Variants in PTK7 observed in about 807,000 individuals in gnomAD.
PTK7 encodes protein tyrosine kinase 7 (inactive).
Under a neutral mutation model 116.6 loss-of-function variants are expected in PTK7, and 39 were observed. That is an observed-to-expected ratio of 0.33 (90% confidence interval 0.26 to 0.44). PTK7 has a LOEUF of 0.44. Among genes scored for constraint, PTK7 ranks in the 20% least tolerant of loss-of-function variants. The probability of loss-of-function intolerance (pLI) is 1.00; values close to 1 mark genes in which losing one functional copy is unlikely to be tolerated. For synonymous variants in PTK7, 546 were observed against 563.6 expected (o/e 0.97, Z 0.44); for missense variants, 1,169 against 1,425.6 (o/e 0.82, Z 2.90).
chr6:43,140,263 A>G (rs1201254827), intron 10 of PTK7, among the ~76,000 whole-genome samples: 8 of 152,136 alleles, frequency 5.3e-5, no homozygotes, highest in Non-Finnish European at 1.2e-4. Context: ...CCTGGCTAAC[A>G]TAGAGTAGTG....
At chr6:43,082,418 C>T (rs1181710063) in intron 1 of PTK7, among the ~76,000 whole-genome samples, 17 of 152,054 alleles carry the variant, frequency 1.1e-4, no homozygotes, top group African/African-American at 3.6e-4. Context: ...CTTCATGATC[C>T]GCCCACCTCA....
rs146743539 is a variant in PTK7, at chr6:43,129,207, C to T, written c.310C>T (p.Arg104Trp). 1.5e-5 allele frequency: 25 copies of T among 1,614,012 alleles called. No homozygotes were observed. Among genetic ancestry groups the T allele is most frequent in the East Asian group, 1.3e-4 (6 of 44,884 alleles). ...QDSGTFQCVA[R>W]DDVTGEEARS... Reference sequence around the variant, plus strand: ...CTCTGGCACCTTCCAGTGTGTGGCTCGGGATGATGTCACTGGAGAAGAAGC... The same window carrying T: ...CTCTGGCACCTTCCAGTGTGTGGCTTGGGATGATGTCACTGGAGAAGAAGC... The change falls in exon 2 of 20, where the codon CGG becomes TGG. Residue 104 changes from arginine (R) to tryptophan (W), a missense_variant. Transcript: ENST00000230419. The surrounding 1 kb of genome is among the most constrained non-coding windows in gnomAD (Gnocchi z 4.5).
At chr6:43,125,004 C>G (rs983804287) in intron 1 of PTK7, among the ~76,000 whole-genome samples, 1 of 152,102 alleles carries the variant, frequency 6.6e-6, no homozygotes, top group African/African-American at 2.4e-5. Context: ...GAAACTCAGT[C>G]TCTACTAAAA....
chr6:43,091,265 A>T (rs949799246), intron 1 of PTK7, among the ~76,000 whole-genome samples: 2 of 148,206 alleles, frequency 1.3e-5, no homozygotes, highest in Admixed American at 1.4e-4. Flanking sequence ...GGTTCAAGTG[A>T]CCCTCCTGGC....
At position 43,129,931 on chromosome 6, in the gene PTK7, C is replaced by A. The variant is rs1393949942; in HGVS notation, c.470+102C>A. The A allele has an allele frequency of 2.7e-6, 3 of 1,123,358 alleles. No homozygotes were observed. The highest frequency in any genetic ancestry group is 2.0e-5 in the Admixed American group (1 of 50,034). 69.6% of individuals were successfully genotyped at this position (1,123,358 alleles called of 1,614,324 possible). A position where few individuals can be genotyped will look rare whatever the true frequency, so the allele number is the denominator to read the frequency against. On this transcript the variant is annotated intron_variant, in intron 3 of 19. Coordinates refer to ENST00000230419, the MANE Select transcript of PTK7 (RefSeq NM_002821.5). This position sits in a 1 kb window ranked among gnomAD's most constrained non-coding sequence, Gnocchi z 4.5. ...GATGTTACCTCGCTCCATTCTGTGA[C>A]CACTCGTTCCACCACCACAGTGCTC...
At position 43,076,520 on chromosome 6, in the gene PTK7, C is replaced by G. The variant is rs776858945; in HGVS notation, c.32C>G (p.Pro11Arg). 2.3e-5 allele frequency: 37 copies of G among 1,574,602 alleles called. No individual in the cohort carries two copies. Among genetic ancestry groups the G allele is most frequent in the Non-Finnish European group, 3.0e-5 (35 of 1,164,686 alleles). The change falls in exon 1 of 20, where the codon CCC becomes CGC. Residue 11 changes from proline (P) to arginine (R), a missense_variant. By Grantham distance (103) the Pro-to-Arg change is moderately radical (BLOSUM62 -2). Transcript: ENST00000230419. The surrounding 1 kb of genome is among the most constrained non-coding windows in gnomAD (Gnocchi z 5.7). MGAARGSPARPRRLPLLSVLL... is the reference protein window; with the variant it reads MGAARGSPARRRRLPLLSVLL... ...GCTGCGCGGGGATCCCCGGCCAGAC[C>G]CCGCCGGTTGCCTCTGCTCAGCGTC...
Position 43,136,003 on chromosome 6 carries a change from C to T in PTK7, c.1229-2846C>T, listed in dbSNP as rs570829341. The stretch of plus-strand genomic sequence containing the variant: ...AGGAATTCGAGACCAGCCTGACCAA[C>T]GTGCTGAAACCCCGTCTCTACTAAA... On this transcript the variant is annotated intron_variant, in intron 7 of 19. Coordinates refer to ENST00000230419, the MANE Select transcript of PTK7 (RefSeq NM_002821.5). 9.9e-5 allele frequency among the ~76,000 whole-genome samples: 15 copies of T among 152,260 alleles called. No individual in the cohort carries two copies. In the East Asian group the frequency reaches 1.9e-3, roughly 20 times the overall value.
At chr6:43,078,106 C>T (rs1189036508) in intron 1 of PTK7, among the ~76,000 whole-genome samples, 2 of 152,256 alleles carry the variant, frequency 1.3e-5, no homozygotes, top group Non-Finnish European at 2.9e-5. Flanking sequence ...AGGCTGCCTT[C>T]ACTGCTGCTG....
chr6:43,129,925 C>T lies in PTK7; in HGVS notation c.470+96C>T. ...TATGCGGATGTTACCTCGCTCCATTCTGTGACCACTCGTTCCACCACCACA... is the reference window on the plus strand; with the variant it reads ...TATGCGGATGTTACCTCGCTCCATTTTGTGACCACTCGTTCCACCACCACA... On this transcript the variant is annotated intron_variant, in intron 3 of 19. Transcript: ENST00000230419. This position sits in a 1 kb window ranked among gnomAD's most constrained non-coding sequence, Gnocchi z 4.5. 8.4e-7 allele frequency: 1 copy of T among 1,191,558 alleles called. No homozygotes were observed. The highest frequency in any genetic ancestry group is 1.2e-6 in the Non-Finnish European group (1 of 823,768). 73.8% of individuals were successfully genotyped at this position (1,191,558 alleles called of 1,614,324 possible). A position where few individuals can be genotyped will look rare whatever the true frequency, so the allele number is the denominator to read the frequency against.
rs577096033 is a variant in PTK7 at position 43,141,886 on chromosome 6, C to T, written c.1769-45C>T. 114 of 1,596,020 alleles carry T rather than the reference C, an allele frequency of 7.1e-5. No individual in the cohort carries two copies. The South Asian group carries it at 7.6e-4, about 11-fold the overall frequency. On this transcript the variant is annotated intron_variant, in intron 11 of 19. Transcript: ENST00000230419. The surrounding 1 kb of genome is among the most constrained non-coding windows in gnomAD (Gnocchi z 4.9). Reference sequence around the variant, plus strand: ...GTAGCACCGTGTACCCTGCCAGCCCCTTGGCTTACCCCTCCCTGCGCCTCG... The same window carrying T: ...GTAGCACCGTGTACCCTGCCAGCCCTTTGGCTTACCCCTCCCTGCGCCTCG...
At chr6:43,108,744 C>T (rs889207718) in intron 1 of PTK7, among the ~76,000 whole-genome samples, 4 of 152,180 alleles carry the variant, frequency 2.6e-5, no homozygotes, top group Non-Finnish European at 5.9e-5. Flanking sequence ...GAGGCTTCAT[C>T]AAGTTCAGAT....
chr6:43,151,515 G>A (rs1771083373), intron 17 of PTK7, among the ~76,000 whole-genome samples: 1 of 115,970 alleles, frequency 8.6e-6, no homozygotes, highest in African/African-American at 3.5e-5. Context: ...CCCAAGCCCC[G>A]TTTTTTTGTT....
At chr6:43,147,192 T>C (rs79199094) in intron 17 of PTK7, among the ~76,000 whole-genome samples, 2,115 of 152,322 alleles carry the variant, frequency 0.014, 56 homozygotes, top group African/African-American at 0.048. Context: ...TCTTGTCCTC[T>C]CCCTTGGGCT....
intron 1 of PTK7, among the ~76,000 whole-genome samples, chr6:43,112,567 C>G (rs755933763): frequency 6.6e-6 from 1 of 152,106 alleles, no homozygotes; most frequent in Non-Finnish European, 1.5e-5. Flanking sequence ...TCCCTTACCA[C>G]CACACCTGGC....
chr6:43,142,368 C>T (rs923394024), intron 13 of PTK7, 69 bp downstream of exon 13: 2 of 1,605,810 alleles, frequency 1.2e-6, no homozygotes, highest in Non-Finnish European at 1.7e-6. Flanking sequence ...TTGTACTCAG[C>T]CCCTGTGTAC....
chr6:43,144,931 C>T (rs1320172341), intron 15 of PTK7: 5 of 418,088 alleles, frequency 1.2e-5, no homozygotes, highest in Non-Finnish European at 2.1e-5. Flanking sequence ...ACGTTTTTTC[C>T]TAGCATACGT....
intron 1 of PTK7, among the ~76,000 whole-genome samples, chr6:43,123,046 G>T (rs762887571): frequency 5.3e-5 from 8 of 152,294 alleles, no homozygotes; most frequent in Non-Finnish European, 7.4e-5. Context: ...CCTCTGTGGA[G>T]CACACTCCTG....
chr6:43,131,985 C>T (rs775641713), intron 5 of PTK7, 31 bp from the exon 6 acceptor site: 1 of 1,613,390 alleles, frequency 6.2e-7, no homozygotes, highest in Non-Finnish European at 8.5e-7. Flanking sequence ...CTATTGGCCA[C>T]TTTCTCCAAA....
chr6:43,099,485 G>C (rs1196881108), intron 1 of PTK7, among the ~76,000 whole-genome samples: 1 of 151,830 alleles, frequency 6.6e-6, no homozygotes, highest in African/African-American at 2.4e-5. Flanking sequence ...TCTGCCCAAA[G>C]TGATGGGATT....
Sources: gnomAD v4.1 joint callset for allele counts (sites outside exome capture counted in the v4.1 genomes callset) on GRCh38, gnomAD v4.1.1 for gene constraint, Gnocchi (gnomAD v3.1) non-coding constraint, MANE v1.5 for transcripts, NCBI Gene and HGNC (gene_info 2026-07-23, HGNC 2026-07-21) for gene names.